VIT: variants seen among roughly 807,000 people sequenced by gnomAD.
VIT encodes the protein vitrin.
VIT carries 99 observed loss-of-function variants against 78.0 expected under a neutral mutation model. The ratio of observed to expected loss-of-function variants is 1.27; its 90% CI spans 1.08 to 1.50. The LOEUF (loss-of-function observed/expected upper bound fraction) is 1.50, where lower values mean the gene tolerates loss of function less well. Among genes scored for constraint, VIT ranks in the 40% most tolerant of loss-of-function variants. The probability of loss-of-function intolerance (pLI) is 0.00; values close to 1 mark genes in which losing one functional copy is unlikely to be tolerated. For missense variants in VIT, 1,126 were observed against 875.3 expected, an observed-to-expected ratio of 1.29 and a Z score of -3.61; for synonymous variants, 374 against 334.3, an observed-to-expected ratio of 1.12 and a Z score of -1.29.
intron 15 of VIT, among the ~76,000 whole-genome samples, chr2:36,811,386 C>T (rs919843036): frequency 2.6e-5 from 4 of 152,184 alleles, no homozygotes; most frequent in African/African-American, 7.2e-5. Context: ...AGAGGGTATC[C>T]TTGGCCTACT....
At chr2:36,731,435 G>A (rs369436667) in intron 3 of VIT, among the ~76,000 whole-genome samples, 33 of 151,928 alleles carry the variant, frequency 2.2e-4, no homozygotes, top group African/African-American at 7.2e-4. Context: ...CACCACACCC[G>A]GCTAATTTTT....
chr2:36,716,313 C>T lies in VIT; in HGVS notation c.-18-40C>T, dbSNP rs570518257. 4.7e-5 allele frequency: 74 copies of T among 1,571,478 alleles called. No individual in the cohort carries two copies. The East Asian group carries it at 9.8e-4, about 21-fold the overall frequency. ...CTCTGTGCATCCAAATCAGAACCCC[C>T]GGCTGAAATATGATGACGTTATTGT... On this transcript the variant is annotated intron_variant, in intron 1 of 15. Transcript: ENST00000379242.
At chr2:36,731,202 T>C (rs1336948046) in intron 3 of VIT, among the ~76,000 whole-genome samples, 1 of 152,090 alleles carries the variant, frequency 6.6e-6, no homozygotes, top group Non-Finnish European at 1.5e-5. Flanking sequence ...ATCCAGAAAG[T>C]TCAGTAGAAC....
At chr2:36,768,041 C>T (rs1382370755) in intron 7 of VIT, among the ~76,000 whole-genome samples, 1 of 152,192 alleles carries the variant, frequency 6.6e-6, no homozygotes, top group Non-Finnish European at 1.5e-5. Flanking sequence ...AGGCTCGCCT[C>T]CAGCTTGCAG....
intron 3 of VIT, among the ~76,000 whole-genome samples, chr2:36,737,374 C>T (rs1442215550): frequency 2.0e-5 from 3 of 152,112 alleles, no homozygotes; most frequent in Admixed American, 6.5e-5. Context: ...TTGTCATTCA[C>T]TAGAGGGCGG....
At chr2:36,814,054 G>T (rs1667383641) in intron 15 of VIT, 129 bp from the exon 16 acceptor site, 1 of 1,071,332 alleles carries the variant, frequency 9.3e-7, no homozygotes, top group Non-Finnish European at 1.3e-6. Context: ...GCGTATTTTT[G>T]GTTTTGTTTT....
chr2:36,758,814 A>T (rs779124632), intron 5 of VIT, among the ~76,000 whole-genome samples, 155 bp from the exon 6 acceptor site: 14 of 152,230 alleles, frequency 9.2e-5, no homozygotes, highest in Non-Finnish European at 1.9e-4. Context: ...ATGCCACATG[A>T]CATTCTCATT....
chr2:36,811,694 C>T (rs1164011721), intron 15 of VIT, among the ~76,000 whole-genome samples: 7 of 146,158 alleles, frequency 4.8e-5, no homozygotes, highest in Non-Finnish European at 9.0e-5. Context: ...TCTTTTGAGA[C>T]GGAGTTTCGC....
chr2:36,749,166 C>T (rs1444418065), intron 4 of VIT, among the ~76,000 whole-genome samples: 1 of 152,204 alleles, frequency 6.6e-6, no homozygotes, highest in Admixed American at 6.5e-5. Flanking sequence ...GATATAAACT[C>T]ATTTTTTCTA....
chr2:36,780,262 T>C (rs1336226519), intron 9 of VIT, among the ~76,000 whole-genome samples: 1 of 152,146 alleles, frequency 6.6e-6, no homozygotes, highest in Non-Finnish European at 1.5e-5. Context: ...GTTTATCTCT[T>C]GATAAAGTAA....
chr2:36,788,770 T>A (rs181899242), intron 12 of VIT, among the ~76,000 whole-genome samples: 219 of 152,332 alleles, frequency 1.4e-3, no homozygotes, highest in African/African-American at 5.1e-3. Context: ...TGATGTGTTA[T>A]CTTGCATTAA....
intron 4 of VIT, among the ~76,000 whole-genome samples, chr2:36,748,124 G>T (rs746310290): frequency 6.6e-6 from 1 of 152,054 alleles, no homozygotes; most frequent in Admixed American, 6.5e-5. Flanking sequence ...CTTTGTAGGT[G>T]GTCTGACCCT....
chr2:36,709,459 T>C (rs998115462), intron 1 of VIT, among the ~76,000 whole-genome samples: 1 of 152,242 alleles, frequency 6.6e-6, no homozygotes, highest in Non-Finnish European at 1.5e-5. Context: ...TTAGTTATGA[T>C]GCATGCATGC....
intron 2 of VIT, among the ~76,000 whole-genome samples, chr2:36,728,975 C>T (rs374085616): frequency 5.3e-5 from 8 of 152,116 alleles, no homozygotes; most frequent in Non-Finnish European, 1.0e-4. Flanking sequence ...CTTCCAGTCC[C>T]GCAAGCTCCA....
intron 5 of VIT, among the ~76,000 whole-genome samples, chr2:36,755,504 T>C (rs1330119957): frequency 1.3e-5 from 2 of 152,160 alleles, no homozygotes; most frequent in African/African-American, 2.4e-5. Flanking sequence ...GTCTGTTCCA[T>C]TGTTGGTGAT....
intron 3 of VIT, among the ~76,000 whole-genome samples, chr2:36,741,213 A>G (rs1419892245): frequency 6.6e-6 from 1 of 152,226 alleles, no homozygotes; most frequent in African/African-American, 2.4e-5. Context: ...TGGCATCTTC[A>G]TCCCAAAATA....
chr2:36,749,099 G>A (rs1036461377), intron 4 of VIT, among the ~76,000 whole-genome samples: 1 of 152,200 alleles, frequency 6.6e-6, no homozygotes, highest in South Asian at 2.1e-4. Context: ...CTTTGATGGG[G>A]AGAGGAAGAG....
At chr2:36,731,164 C>T (rs142654210) in intron 3 of VIT, among the ~76,000 whole-genome samples, 6 of 152,144 alleles carry the variant, frequency 3.9e-5, no homozygotes, top group Non-Finnish European at 4.4e-5. Context: ...TGCCTCCTAC[C>T]GCTCTCAATA....
chr2:36,729,628 G>C (rs1667073190), intron 3 of VIT, 137 bp downstream of exon 3: 3 of 852,542 alleles, frequency 3.5e-6, no homozygotes, highest in Non-Finnish European at 5.4e-6. Flanking sequence ...AGATTAATTA[G>C]TGATAAGTCT....
Sources: allele counts gnomAD v4.1 joint callset (sites outside exome capture counted in the v4.1 genomes callset), GRCh38; gene constraint gnomAD v4.1.1; transcripts MANE v1.5; gene names NCBI Gene and HGNC (gene_info 2026-07-23, HGNC 2026-07-21).